NCOA6: variants seen among roughly 807,000 people sequenced by gnomAD.
NCOA6 encodes the protein nuclear receptor coactivator 6.
NCOA6 carries 49 observed loss-of-function variants against 171.4 expected under a neutral mutation model. The observed-to-expected ratio is 0.29, with a 90% CI of 0.23 to 0.36. The LOEUF is 0.36. NCOA6 is among the 10% of genes least tolerant of loss of function. The probability of loss-of-function intolerance (pLI) is 1.00; values close to 1 mark genes in which losing one functional copy is unlikely to be tolerated. For missense variants in NCOA6, 2,248 were observed against 2,554.5 expected (o/e 0.88, Z 2.59); for synonymous variants, 910 against 927.5 (o/e 0.98, Z 0.34).
At chr20:34,765,583 T>C (rs939255813) in intron 5 of NCOA6, among the ~76,000 whole-genome samples, 1 of 151,998 alleles carries the variant, frequency 6.6e-6, no homozygotes, top group Admixed American at 6.6e-5. Flanking sequence ...CTGCACAAGA[T>C]CCAAGGTTCT....
At chr20:34,773,593 G>A (rs1053751344) in intron 4 of NCOA6, among the ~76,000 whole-genome samples, 4 of 151,090 alleles carry the variant, frequency 2.6e-5, no homozygotes, top group South Asian at 2.1e-4. Context: ...GCATGATCTC[G>A]GCTCACCGCA....
intron 5 of NCOA6, among the ~76,000 whole-genome samples, chr20:34,765,893 A>C (rs894496002): frequency 6.6e-6 from 1 of 152,226 alleles, no homozygotes; most frequent in Non-Finnish European, 1.5e-5. Context: ...TTAGTTGCAA[A>C]AGACTCTTGC....
chr20:34,816,569 T>G (rs1036237792), intron 1 of NCOA6, among the ~76,000 whole-genome samples: 1 of 152,028 alleles, frequency 6.6e-6, no homozygotes. Flanking sequence ...CTGGCTAATT[T>G]TTGTACTTTT....
chr20:34,787,764 C>T (rs2077729947), intron 2 of NCOA6, among the ~76,000 whole-genome samples: 1 of 152,122 alleles, frequency 6.6e-6, no homozygotes, highest in Admixed American at 6.5e-5. Flanking sequence ...ATTGAAGCTG[C>T]AGTGTTACAA....
At chr20:34,748,940 GTTACTTTTCAGGCTCTGA>G (rs1005575767) in intron 9 of NCOA6, among the ~76,000 whole-genome samples, 23 of 152,126 alleles carry the variant, frequency 1.5e-4, no homozygotes, top group Admixed American at 4.6e-4. Flanking sequence ...GGTAGCACTG[GTTACTTTTCAGGCTCTGA>G]TTGCCAAAAC....
chr20:34,775,278 CTAGGGGTGTAGGGTTA>C (rs1028754385), intron 4 of NCOA6, among the ~76,000 whole-genome samples: 12 of 151,800 alleles, frequency 7.9e-5, no homozygotes, highest in African/African-American at 1.2e-4. Context: ...GGATTTTAAT[CTAGGGGTGTAGGGTTA>C]TAGGGGTGTA....
At chr20:34,759,930 T>C (rs2076766226) in intron 5 of NCOA6, among the ~76,000 whole-genome samples, 1 of 152,208 alleles carries the variant, frequency 6.6e-6, no homozygotes, top group Non-Finnish European at 1.5e-5. Context: ...TCTTTCTCCA[T>C]ATCTGAAAAT....
Position 34,749,717 on chromosome 20 carries a change from G to A in NCOA6, c.2478C>T (p.Thr826=). 3.7e-6 allele frequency: 6 copies of A among 1,614,216 alleles called. No individual in the cohort carries two copies. The highest frequency in any genetic ancestry group is 5.1e-6 in the Non-Finnish European group (6 of 1,180,036). The change falls in exon 9 of 15, where the codon ACC becomes ACT. Residue 826 remains threonine, a synonymous_variant. Transcript: ENST00000359003. ...QMMPDVSIQQ[T]NMVPPHVQAM... Reference sequence around the variant, plus strand: ...CCTGCACATGAGGGGGGACCATGTTGGTTTGTTGAATGCTAACATCAGGCA... The same window carrying A: ...CCTGCACATGAGGGGGGACCATGTTAGTTTGTTGAATGCTAACATCAGGCA...
chr20:34,715,342 T>G lies in NCOA6; in HGVS notation c.6172A>C (p.Lys2058Gln). The change falls in exon 15 of 15, where the codon AAG becomes CAG. Residue 2058 changes from lysine (K) to glutamine (Q), a missense_variant. By Grantham distance (53) the Lys-to-Gln change is moderately conservative. Transcript: ENST00000359003. ...CTTGTTTACTTGGATTTTCTTCGCT[T>G]GGATTGCACCGCACTGGTTATGTCT... ...TKDITSAVQS[K>Q]RRKSK 6.2e-7 allele frequency: 1 copy of G among 1,614,038 alleles called. No individual in the cohort carries two copies. The highest frequency in any genetic ancestry group is 8.5e-7 in the Non-Finnish European group (1 of 1,179,888).
chr20:34,773,195 T>A (rs894908311), intron 4 of NCOA6, among the ~76,000 whole-genome samples: 3 of 152,188 alleles, frequency 2.0e-5, no homozygotes, highest in Non-Finnish European at 4.4e-5. Flanking sequence ...TGAGTTGAGA[T>A]CTTATGGCCT....
At position 34,730,394 on chromosome 20, in the gene NCOA6, T is replaced by C. The variant is rs1413955017; in HGVS notation, c.5999+2165A>G. ...GAGCCACTGTACCTGGCTAGATGAT[T>C]CCTAATGAAAGTGCCTCTTTCTCCT... On this transcript the variant is annotated intron_variant, in intron 13 of 14. Coordinates refer to ENST00000359003, the MANE Select transcript of NCOA6 (RefSeq NM_014071.5). 2.6e-5 allele frequency among the ~76,000 whole-genome samples: 4 copies of C among 152,210 alleles called. No individual in the cohort carries two copies. The East Asian group carries it at 7.7e-4, about 29-fold the overall frequency.
chr20:34,769,478 C>G (rs770482205), intron 4 of NCOA6, among the ~76,000 whole-genome samples: 1 of 152,046 alleles, frequency 6.6e-6, no homozygotes, highest in Non-Finnish European at 1.5e-5. Flanking sequence ...ATTCTCCTAC[C>G]TCAGCCTTCC....
chr20:34,742,073 C>T lies in NCOA6; in HGVS notation c.4183G>A (p.Gly1395Arg), dbSNP rs920898382. The change falls in exon 11 of 15, where the codon GGG (glycine) becomes AGG (arginine). Residue 1395 changes from glycine to arginine, a missense_variant. By Grantham distance (125) the Gly-to-Arg change is moderately radical. This residue lies in a region of NCOA6 where 884 missense variants were observed against 941.9 expected (regional missense o/e 0.94). Coordinates refer to ENST00000359003, the MANE Select transcript of NCOA6 (RefSeq NM_014071.5). ...PVPGSFPNNS[G>R]LNPQNSTVSV... ...ACAGTAGAATTCTGAGGATTCAGCC[C>T]ACTGTTGTTAGGAAAGCTCCCAGGT... The T allele has an allele frequency of 5.6e-6, 9 of 1,614,192 alleles. No homozygotes were observed. The highest frequency in any genetic ancestry group is 7.6e-6 in the Non-Finnish European group (9 of 1,180,034).
intron 2 of NCOA6, among the ~76,000 whole-genome samples, chr20:34,789,845 C>T (rs1254217648): frequency 2.0e-5 from 3 of 152,126 alleles, no homozygotes; most frequent in Non-Finnish European, 4.4e-5. Flanking sequence ...GTTATAGTCA[C>T]ACACAGCATA....
intron 1 of NCOA6, among the ~76,000 whole-genome samples, chr20:34,794,663 T>C (rs2078006879): frequency 6.6e-6 from 1 of 152,108 alleles, no homozygotes; most frequent in Middle Eastern, 3.2e-3. Flanking sequence ...TTATACATGC[T>C]AGTGCTAAAA....
At chr20:34,753,861 C>T (rs2145769864) in intron 8 of NCOA6, among the ~76,000 whole-genome samples, 1 of 152,218 alleles carries the variant, frequency 6.6e-6, no homozygotes, top group Admixed American at 6.5e-5. Flanking sequence ...AGTCACATTA[C>T]TAAATTAACT....
chr20:34,790,763 C>T (rs1172074362), intron 2 of NCOA6, among the ~76,000 whole-genome samples: 2 of 152,134 alleles, frequency 1.3e-5, no homozygotes, highest in East Asian at 3.9e-4. Flanking sequence ...GATTCTCCTG[C>T]CTCAGCCTTC....
chr20:34,717,458 AT>A (rs1988754408), intron 14 of NCOA6, among the ~76,000 whole-genome samples: 1 of 152,204 alleles, frequency 6.6e-6, no homozygotes, highest in Non-Finnish European at 1.5e-5. Context: ...CTCAAAAAAA[AT>A]AAAAAAATAA....
chr20:34,788,953 A>C (rs1195560018), intron 2 of NCOA6, among the ~76,000 whole-genome samples: 3 of 152,196 alleles, frequency 2.0e-5, no homozygotes, highest in African/African-American at 7.2e-5. Context: ...AAATAAATAA[A>C]TAAATAAATA....
Sources: allele counts gnomAD v4.1 joint callset (sites outside exome capture counted in the v4.1 genomes callset), GRCh38; gene constraint gnomAD v4.1.1; regional missense constraint gnomAD v4.1.1; transcripts MANE v1.5; gene names NCBI Gene and HGNC (gene_info 2026-07-23, HGNC 2026-07-21).